The following RAB11FIP3 variants were observed in gnomAD, a reference collection of about 807,000 sequenced individuals.
The protein encoded by RAB11FIP3 is rab11 family-interacting protein 3.
RAB11FIP3 carries 17 observed loss-of-function variants against 77.8 expected under a neutral mutation model. The observed-to-expected ratio is 0.22, with a 90% CI of 0.15 to 0.33. The LOEUF (loss-of-function observed/expected upper bound fraction) is 0.33. Among genes scored for constraint, RAB11FIP3 ranks in the 10% least tolerant of loss-of-function variants. RAB11FIP3 has a pLI of 1.00. For missense variants in RAB11FIP3, 1,005 were observed against 1,011.2 expected (o/e 0.99, Z 0.08); for synonymous variants, 437 against 448.2 (o/e 0.98, Z 0.31).
intron 1 of RAB11FIP3, among the ~76,000 whole-genome samples, chr16:437,570 CAAAAAAAAAA>C (rs34184576): frequency 1.7e-5 from 1 of 58,984 alleles, no homozygotes; most frequent in Non-Finnish European, 2.9e-5. Context: ...AACTCCATCT[CAAAAAAAAAA>C]AAAAAAAAAA....
At chr16:456,796 TCAAAA>T (rs1017343792) in intron 1 of RAB11FIP3, among the ~76,000 whole-genome samples, 2 of 152,108 alleles carry the variant, frequency 1.3e-5, no homozygotes, top group East Asian at 1.9e-4. Context: ...CAACAACAAA[TCAAAA>T]CAAAACGAGC....
intron 1 of RAB11FIP3, among the ~76,000 whole-genome samples, chr16:427,463 C>T (rs2054967962): frequency 6.6e-6 from 1 of 152,186 alleles, no homozygotes; most frequent in Non-Finnish European, 1.5e-5. Context: ...GGGGTCCACG[C>T]GGTCCTCAGG....
In RAB11FIP3 at chr16:521,945, C is replaced by T. The variant is rs1056378827; in HGVS notation, c.*1106C>T. 2.0e-4 allele frequency: 30 copies of T among 152,088 alleles called. No individual in the cohort carries two copies. The highest frequency in any genetic ancestry group is 6.8e-4 in the African/African-American group (28 of 41,336). 9.4% of individuals were successfully genotyped at this position (152,088 alleles called of 1,614,324 possible). A position where few individuals can be genotyped will look rare whatever the true frequency, so the allele number is the denominator to read the frequency against. The stretch of plus-strand genomic sequence containing the variant: ...CACCCCAGGCACAGCGGTGTCACCC[C>T]GCAGGACCGCGGGCCTGCCCCAACC... On this transcript the variant is annotated 3_prime_UTR_variant, in exon 14 of 14. Transcript: ENST00000262305.
intron 3 of RAB11FIP3, among the ~76,000 whole-genome samples, chr16:481,377 G>A (rs901397544): frequency 6.6e-6 from 1 of 152,044 alleles, no homozygotes; most frequent in Non-Finnish European, 1.5e-5. Context: ...TAGGCATGAT[G>A]GTACATGCTT....
At chr16:516,395 G>T (rs935758480) in intron 9 of RAB11FIP3, among the ~76,000 whole-genome samples, 1 of 152,138 alleles carries the variant, frequency 6.6e-6, no homozygotes, top group Admixed American at 6.6e-5. Context: ...CTGAAAATGA[G>T]GTGCTTACAC....
In RAB11FIP3 at chr16:485,830, C is replaced by T. The variant is rs2056143421; in HGVS notation, c.1116-3021C>T. ...TACTACACAGTCACTATGATGTTTA[C>T]TTACGCTTTCTTTTAAAAGTGTTAT... On this transcript the variant is annotated intron_variant, in intron 4 of 13. Transcript: ENST00000262305. 2.6e-5 allele frequency among the ~76,000 whole-genome samples: 4 copies of T among 152,350 alleles called. No individual in the cohort carries two copies. The South Asian group carries it at 8.3e-4, about 32-fold the overall frequency.
chr16:447,743 A>G (rs1483071446), intron 1 of RAB11FIP3, among the ~76,000 whole-genome samples: 1 of 152,210 alleles, frequency 6.6e-6, no homozygotes, highest in Non-Finnish European at 1.5e-5. Flanking sequence ...ATCTCCAAAA[A>G]AGAAAAGAAG....
Position 471,245 on chromosome 16 carries a change from C to T in RAB11FIP3, c.809-50C>T, listed in dbSNP as rs757261494. On this transcript the variant is annotated intron_variant, in intron 2 of 13. Transcript: ENST00000262305. The surrounding 1 kb of genome is among the most constrained non-coding windows in gnomAD (Gnocchi z 4.4). ...GTCCCGAGGCCGCCAGGGGTCCCGT[C>T]ACTGGGTGGCTATGGGTGGCCTGTT... The T allele has an allele frequency of 1.3e-6, 2 of 1,526,270 alleles. No homozygotes were observed. The highest frequency in any genetic ancestry group is 2.3e-5 in the East Asian group (1 of 44,058). The allele number at this position is 1,526,270 out of a possible 1,614,324, so 94.5% of individuals were successfully genotyped here.
At chr16:484,141 G>T (rs1326080292) in intron 4 of RAB11FIP3, among the ~76,000 whole-genome samples, 1 of 152,144 alleles carries the variant, frequency 6.6e-6, no homozygotes, top group Non-Finnish European at 1.5e-5. Context: ...AAGTGCCCAT[G>T]TTGTAAGTGC....
Position 488,873 on chromosome 16 carries a change from G to A in RAB11FIP3, c.1138G>A (p.Val380Ile). 1 of 1,614,100 alleles carries A rather than the reference G, an allele frequency of 6.2e-7. No individual in the cohort carries two copies. Among genetic ancestry groups the A allele is most frequent in the Non-Finnish European group, 8.5e-7 (1 of 1,180,008 alleles). ...CAGGCCTCACCCCCATGGCCAGTCT[G>A]TCATCACGGTGATCGGGGGCGAGGA... ...PGRPHPHGQS[V>I]ITVIGGEEHF... The change falls in exon 5 of 14, where the codon GTC becomes ATC. Residue 380 changes from valine (V) to isoleucine (I), a missense_variant. Coordinates refer to ENST00000262305, the MANE Select transcript of RAB11FIP3 (RefSeq NM_014700.4).
chr16:451,104 C>T (rs1448085628), intron 1 of RAB11FIP3, among the ~76,000 whole-genome samples: 1 of 152,036 alleles, frequency 6.6e-6, no homozygotes, highest in South Asian at 2.1e-4. Flanking sequence ...TTAAGAGTCT[C>T]CTGTCTTTAA....
At position 444,843 on chromosome 16, in the gene RAB11FIP3, G is replaced by C. The variant is rs559388341; in HGVS notation, c.715-16561G>C. Among the ~76,000 whole-genome samples the C allele has an allele frequency of 3.0e-4, 46 of 150,996 alleles. No homozygotes were observed. In the Middle Eastern group the frequency reaches 0.014, roughly 46 times the overall value. On this transcript the variant is annotated intron_variant, in intron 1 of 13. Coordinates refer to ENST00000262305, the MANE Select transcript of RAB11FIP3 (RefSeq NM_014700.4). ...ATTAAAAAAGACTGGAGCCTGGTGCGGTGGCTCACGCCTGTAATCCCAGCA... is the reference window on the plus strand; with the variant it reads ...ATTAAAAAAGACTGGAGCCTGGTGCCGTGGCTCACGCCTGTAATCCCAGCA...
intron 6 of RAB11FIP3, among the ~76,000 whole-genome samples, chr16:499,795 C>CA (rs11319631): frequency 0.047 from 2,506 of 52,866 alleles, 113 homozygotes; most frequent in African/African-American, 0.1. Context: ...AAGACTGTCT[C>CA]AAAAAAAAAA....
intron 4 of RAB11FIP3, among the ~76,000 whole-genome samples, chr16:487,924 G>A (rs1184814024): frequency 2.0e-5 from 3 of 152,160 alleles, no homozygotes; most frequent in African/African-American, 7.2e-5. Context: ...GCTCCCTAGG[G>A]AAGAGGCAGA....
At chr16:433,401 C>T (rs908219186) in intron 1 of RAB11FIP3, among the ~76,000 whole-genome samples, 1 of 151,036 alleles carries the variant, frequency 6.6e-6, no homozygotes, top group African/African-American at 2.4e-5. Flanking sequence ...TCGCTCTATT[C>T]TCTACCTCCA....
At chr16:470,323 G>T (rs1181991245) in intron 2 of RAB11FIP3, among the ~76,000 whole-genome samples, 1 of 151,986 alleles carries the variant, frequency 6.6e-6, no homozygotes, top group South Asian at 2.1e-4. Flanking sequence ...TGTGGAGATG[G>T]GGTTTCACCA....
At chr16:433,617 G>A (rs1188720249) in intron 1 of RAB11FIP3, among the ~76,000 whole-genome samples, 1 of 151,760 alleles carries the variant, frequency 6.6e-6, no homozygotes, top group Non-Finnish European at 1.5e-5. Flanking sequence ...GGAAGGCCAA[G>A]GCGGGCGGAT....
intron 2 of RAB11FIP3, among the ~76,000 whole-genome samples, chr16:469,180 TC>T (rs2055767763): frequency 6.6e-6 from 1 of 152,062 alleles, no homozygotes. Flanking sequence ...CAAGCTATTC[TC>T]CTGCCTCAGC....
chr16:504,512 C>CG (rs369516098), intron 7 of RAB11FIP3, among the ~76,000 whole-genome samples: 2 of 60 alleles, frequency 0.033, 1 homozygote, highest in Non-Finnish European at 0.067. Flanking sequence ...TTCCTGTACC[C>CG]CCTCACCTCC....
Sources: gnomAD v4.1 joint callset for allele counts (sites outside exome capture counted in the v4.1 genomes callset) on GRCh38, gnomAD v4.1.1 for gene constraint, Gnocchi (gnomAD v3.1) non-coding constraint, MANE v1.5 for transcripts, NCBI Gene and HGNC (gene_info 2026-07-23, HGNC 2026-07-21) for gene names.